CES5A: variants seen among roughly 807,000 people sequenced by gnomAD.
CES5A encodes the protein carboxylesterase 5.
In CES5A, 67 loss-of-function variants were observed where a neutral mutation model predicts 62.9. The observed-to-expected ratio is 1.07, with a 90% CI of 0.88 to 1.31. The LOEUF (loss-of-function observed/expected upper bound fraction) is 1.31. Among genes scored for constraint, CES5A ranks in the 50% most tolerant of loss-of-function variants. CES5A has a pLI of 0.00. For missense variants in CES5A, 748 were observed against 708.5 expected (o/e 1.06, Z -0.63); for synonymous variants, 296 against 280.8 (o/e 1.05, Z -0.54).
chr16:55,911,391 G>A (rs1459293998), intron 1 of CES5A, among the ~76,000 whole-genome samples: 18 of 152,164 alleles, frequency 1.2e-4, no homozygotes, highest in Admixed American at 3.9e-4. Flanking sequence ...TATTAATAAG[G>A]ACAAGAAGAA....
At chr16:55,928,858 T>C (rs1170369415), upstream of CES5A, among the ~76,000 whole-genome samples, 7 of 152,194 alleles carry the variant, frequency 4.6e-5, no homozygotes, top group Non-Finnish European at 1.0e-4. Flanking sequence ...TGACCTGTCC[T>C]TGTCTTGACA....
chr16:55,854,544 C>CTTTTTTTTTTT (rs56017491), intron 9 of CES5A, among the ~76,000 whole-genome samples: 7,856 of 63,820 alleles, frequency 0.12, 1,835 homozygotes, highest in South Asian at 0.16. Flanking sequence ...TTTTTTTTTT[C>CTTTTTTTTTTT]TTTTTTTTTT....
intron 5 of CES5A, among the ~76,000 whole-genome samples, chr16:55,865,206 C>T (rs1440317930): frequency 6.6e-6 from 1 of 151,726 alleles, no homozygotes; most frequent in Non-Finnish European, 1.5e-5. Context: ...AACTCCATCT[C>T]AAAACAAAAC....
chr16:55,868,202 A>G (rs1334172273), intron 4 of CES5A, among the ~76,000 whole-genome samples: 2 of 152,196 alleles, frequency 1.3e-5, no homozygotes, highest in African/African-American at 4.8e-5. Flanking sequence ...AAGCTCTTCT[A>G]CCAAAGGAAT....
At position 55,951,573 on chromosome 16, in the gene CES5A, G is replaced by A. The variant is rs576341864; in HGVS notation, c.43-1671C>T. Among the ~76,000 whole-genome samples the A allele has an allele frequency of 2.6e-5, 4 of 152,274 alleles. No individual in the cohort carries two copies. In the East Asian group the frequency reaches 7.7e-4, roughly 29 times the overall value. On this transcript the variant is annotated intron_variant, in intron 1 of 13. Coordinates refer to the CES5A transcript ENST00000521992. ...GTAAGATACACCTAAAGCAAAATGAGACAGAGAGGTTAAAAATAGAATACT... is the reference window on the plus strand; with the variant it reads ...GTAAGATACACCTAAAGCAAAATGAAACAGAGAGGTTAAAAATAGAATACT...
chr16:55,858,864 A>T (rs1200530001), intron 8 of CES5A, among the ~76,000 whole-genome samples: 42 of 152,178 alleles, frequency 2.8e-4, no homozygotes, highest in African/African-American at 9.9e-4. Flanking sequence ...CCTGGGCCTC[A>T]GCTCAACAAT....
At chr16:55,942,279 A>G (rs1225991001) in intron 2 of CES5A, among the ~76,000 whole-genome samples, 1 of 152,224 alleles carries the variant, frequency 6.6e-6, no homozygotes, top group Non-Finnish European at 1.5e-5. Flanking sequence ...GAAAATGAAT[A>G]GTAAAAAACA....
chr16:55,895,846 A>G (rs990852667), intron 1 of CES5A, among the ~76,000 whole-genome samples: 17 of 152,108 alleles, frequency 1.1e-4, no homozygotes, highest in Admixed American at 7.9e-4. Flanking sequence ...CAGCATTTGA[A>G]GGGGGGCCTG....
chr16:55,943,360 G>C lies in CES5A; in HGVS notation c.160+6425C>G, dbSNP rs77967067. On this transcript the variant is annotated intron_variant, in intron 2 of 13. Coordinates refer to the CES5A transcript ENST00000521992. Reference sequence around the variant, plus strand: ...GGAGCGACTCCCAAGGTCACACACAGAGCAAGCTTTTGCCAGAGCAGGGAC... The same window carrying C: ...GGAGCGACTCCCAAGGTCACACACACAGCAAGCTTTTGCCAGAGCAGGGAC... 6.0e-3 allele frequency among the ~76,000 whole-genome samples: 917 copies of C among 152,312 alleles called. 9 individuals carry two copies. The highest frequency in any genetic ancestry group is 0.021 in the African/African-American group (872 of 41,572).
At chr16:55,853,539 C>A (rs2033173773) in intron 9 of CES5A, among the ~76,000 whole-genome samples, 1 of 152,168 alleles carries the variant, frequency 6.6e-6, no homozygotes, top group South Asian at 2.1e-4. Context: ...CTGCCTCCAG[C>A]CCTTAGCTAT....
chr16:55,898,312 G>A (rs539928920), intron 1 of CES5A, among the ~76,000 whole-genome samples: 2 of 152,118 alleles, frequency 1.3e-5, no homozygotes, highest in African/African-American at 4.8e-5. Context: ...AGGTGTCTAG[G>A]GTGGGTAGAT....
chr16:55,937,290 C>T lies in CES5A; in HGVS notation c.160+12495G>A, dbSNP rs1433234485. ...CCCCAATCACCTTGCATGATGACTG[C>T]TTCCATATCTGCCTCCCTCGCTGGG... On this transcript the variant is annotated intron_variant, in intron 2 of 13. Coordinates refer to the CES5A transcript ENST00000521992. 2.6e-5 allele frequency among the ~76,000 whole-genome samples: 4 copies of T among 152,276 alleles called. No individual in the cohort carries two copies. The East Asian group carries it at 7.7e-4, about 29-fold the overall frequency.
At chr16:55,888,101 CT>C in intron 1 of CES5A, among the ~76,000 whole-genome samples, 1 of 152,244 alleles carries the variant, frequency 6.6e-6, no homozygotes, top group Non-Finnish European at 1.5e-5. Context: ...CCTGCTTTTT[CT>C]TTTTGCTTGC....
At chr16:55,893,660 A>G (rs2033903140) in intron 1 of CES5A, among the ~76,000 whole-genome samples, 3 of 152,188 alleles carry the variant, frequency 2.0e-5, no homozygotes, top group Admixed American at 2.0e-4. Flanking sequence ...AAACAAGGTA[A>G]TATCAAATAG....
intron 11 of CES5A, among the ~76,000 whole-genome samples, chr16:55,848,194 A>G (rs2142379762): frequency 6.6e-6 from 1 of 152,138 alleles, no homozygotes; most frequent in South Asian, 2.1e-4. Context: ...GCAGCCTCGA[A>G]CTCGGGCTCA....
At position 55,846,291 on chromosome 16, in the gene CES5A, G is replaced by A. The variant is rs550972683; in HGVS notation, c.*160C>T. ...AAATTGCACTTTTTGATGTTGAAAA[G>A]AATTCTGTAAGGATCATTCCTAAGT... On this transcript the variant is annotated 3_prime_UTR_variant, in exon 13 of 13. Coordinates refer to ENST00000290567, the MANE Select transcript of CES5A (RefSeq NM_001143685.2). The A allele has an allele frequency of 1.6e-6, 1 of 626,330 alleles. No individual in the cohort carries two copies. The highest frequency in any genetic ancestry group is 2.8e-6 in the Non-Finnish European group (1 of 359,364). The allele number at this position is 626,330 out of a possible 1,614,324, so 38.8% of individuals were successfully genotyped here.
chr16:55,850,272 C>T (rs1388156411), intron 10 of CES5A, among the ~76,000 whole-genome samples: 3 of 152,100 alleles, frequency 2.0e-5, no homozygotes, highest in Non-Finnish European at 2.9e-5. Context: ...TATAATTCAG[C>T]GGTTTTTAGT....
At chr16:55,921,873 A>G (rs1339981536) in intron 1 of CES5A, among the ~76,000 whole-genome samples, 2 of 152,044 alleles carry the variant, frequency 1.3e-5, no homozygotes, top group Admixed American at 6.5e-5. Context: ...ATAAAAGTCA[A>G]AATGGGAGAG....
chr16:55,935,849 A>T (rs1432971637), intron 2 of CES5A, among the ~76,000 whole-genome samples: 1 of 151,866 alleles, frequency 6.6e-6, no homozygotes, highest in Non-Finnish European at 1.5e-5. Context: ...CTGGCAATGT[A>T]TACAGTATGA....
Sources: allele counts gnomAD v4.1 joint callset (sites outside exome capture counted in the v4.1 genomes callset), GRCh38; gene constraint gnomAD v4.1.1; transcripts MANE v1.5; gene names NCBI Gene and HGNC (gene_info 2026-07-23, HGNC 2026-07-21).